The following RYR1 variants were observed in gnomAD, a reference collection of about 807,000 sequenced individuals.
RYR1 encodes ryanodine receptor 1.
RYR1 carries 342 observed loss-of-function variants against 583.5 expected under a neutral mutation model. The ratio of observed to expected loss-of-function variants is 0.59; its 90% confidence interval spans 0.54 to 0.64. RYR1 has a LOEUF of 0.64. Among genes scored for constraint, RYR1 ranks in the 30% least tolerant of loss-of-function variants. The pLI is 0.00. For missense variants in RYR1, 6,032 were observed against 6,917.2 expected, an observed-to-expected ratio of 0.87 and a Z score of 4.54; for synonymous variants, 2,791 against 2,822.5, an observed-to-expected ratio of 0.99 and a Z score of 0.35.
chr19:38,527,409 C>T (rs185775691), intron 72 of RYR1: 286 of 574,022 alleles, frequency 5.0e-4, no homozygotes, highest in African/African-American at 4.9e-3. Context: ...ACTCAGGAGG[C>T]TGAAGCAGGA....
At chr19:38,507,269 C>T (rs1438189795) in intron 57 of RYR1, among the ~76,000 whole-genome samples, 4 of 132,064 alleles carry the variant, frequency 3.0e-5, no homozygotes, top group African/African-American at 1.2e-4. Flanking sequence ...TGATTGGAGG[C>T]GGGACCAAAG....
In RYR1 at chr19:38,512,174, G is replaced by GC. The variant is rs1018934335; in HGVS notation, c.9233+47dup. The GC allele has an allele frequency of 6.2e-6, 10 of 1,613,540 alleles. No individual in the cohort carries two copies. Among genetic ancestry groups the GC allele is most frequent in the Non-Finnish European group, 8.5e-6 (10 of 1,179,672 alleles). On this transcript the variant is annotated intron_variant, in intron 62 of 105. Coordinates refer to ENST00000359596, the MANE Select transcript of RYR1 (RefSeq NM_000540.3). This position sits in a 1 kb window ranked among gnomAD's most constrained non-coding sequence, Gnocchi z 5.1. The stretch of plus-strand genomic sequence containing the variant: ...TGGCGCCCACTCCCACCATCATCGG[G>GC]CCCCCACCCCAACCCCTGGTCTCCT...
In RYR1 at chr19:38,482,609, C is replaced by T. The variant is rs973295168; in HGVS notation, c.4621-418C>T. ...GCAACTACAGATATGGACCGCCATG[C>T]CTCGCTAATTTTTTATGTTTTGTAG... On this transcript the variant is annotated intron_variant, in intron 31 of 105. Coordinates refer to ENST00000359596, the MANE Select transcript of RYR1 (RefSeq NM_000540.3). Among the ~76,000 whole-genome samples, 6 of 152,164 alleles carry T rather than the reference C, an allele frequency of 3.9e-5. No homozygotes were observed. In the East Asian group the frequency reaches 1.2e-3, roughly 29 times the overall value.
chr19:38,504,482 G>T, intron 50 of RYR1, 122 bp downstream of exon 50: 1 of 1,270,416 alleles, frequency 7.9e-7, no homozygotes. Flanking sequence ...TGCAAGTTTG[G>T]ATCTAGGAGG....
chr19:38,506,696 A>G, intron 56 of RYR1, 133 bp from the exon 57 acceptor site: 1 of 1,504,368 alleles, frequency 6.6e-7, no homozygotes, highest in African/African-American at 1.4e-5. Flanking sequence ...GATGAGCACC[A>G]GCAAGCAATG....
intron 66 of RYR1, among the ~76,000 whole-genome samples, chr19:38,518,469 G>C (rs1000949278): frequency 7.3e-5 from 11 of 149,938 alleles, no homozygotes; most frequent in African/African-American, 2.7e-4. Context: ...GGTCAACCTA[G>C]AAATCAGGAG....
chr19:38,532,598 T>G, intron 77 of RYR1, 57 bp downstream of exon 77: 1 of 1,613,772 alleles, frequency 6.2e-7, no homozygotes, highest in Non-Finnish European at 8.5e-7. Flanking sequence ...CTGCAGTGCT[T>G]GTCCACAAAA....
Position 38,467,612 on chromosome 19 carries a change from C to A in RYR1, c.3181C>A (p.Gln1061Lys), listed in dbSNP as rs1600714723. The A allele has an allele frequency of 6.2e-7, 1 of 1,614,168 alleles. No individual in the cohort carries two copies. Among genetic ancestry groups the A allele is most frequent in the East Asian group, 2.2e-5 (1 of 44,880 alleles). ...NIEPPDQEPS[Q>K]VENQSRCDRV... ...ACTCTGCCTGGCCTCATTTATAGGT[C>A]AGGTGGAGAACCAGTCTCGTTGTGA... is the stretch of plus-strand genomic sequence containing the variant. Residue 1061 changes from glutamine (Q) to lysine (K), a missense_variant and splice_region_variant, in exon 25 of 106, where the codon CAG (glutamine) becomes AAG (lysine). Coordinates refer to ENST00000359596, the MANE Select transcript of RYR1 (RefSeq NM_000540.3).
In RYR1 at chr19:38,585,927, T is replaced by C. The variant is rs1568613034; in HGVS notation, c.14804-11T>C. On this transcript the variant is annotated splice_polypyrimidine_tract_variant and intron_variant, in intron 102 of 105. Transcript: ENST00000359596. ...AGAGGTCGGGCACTGACTTGTGTCC[T>C]GCCACCCCAGGTCTGATCATCGACG... 2 of 1,614,062 alleles carry C rather than the reference T, an allele frequency of 1.2e-6. No individual in the cohort carries two copies. The highest frequency in any genetic ancestry group is 1.7e-6 in the Non-Finnish European group (2 of 1,180,010).
Position 38,483,225 on chromosome 19 carries a change from G to T in RYR1, c.4708-65G>T. ...AGGGGGCAATCCAAGAGGTCTCCCT[G>T]GAAGTGGTGTGGTGGGACAGAGGGG... On this transcript the variant is annotated intron_variant, in intron 32 of 105. Transcript: ENST00000359596. This position sits in a 1 kb window ranked among gnomAD's most constrained non-coding sequence, Gnocchi z 6.3. The T allele has an allele frequency of 6.3e-7, 1 of 1,583,782 alleles. No individual in the cohort carries two copies. The highest frequency in any genetic ancestry group is 1.1e-5 in the South Asian group (1 of 88,880).
rs748146777 is a variant in RYR1 at position 38,543,920 on chromosome 19, C to T, written c.12012+45C>T. 3.2e-6 allele frequency: 5 copies of T among 1,563,934 alleles called. No individual in the cohort carries two copies. In the Admixed American group the frequency reaches 5.3e-5, roughly 17 times the overall value. ...CCATCCACCTGCTTCCGGGCGTCCC[C>T]CAAGTGGTCCATTTCCAAGTCTTGC... On this transcript the variant is annotated intron_variant, in intron 87 of 105. Transcript: ENST00000359596. This position sits in a 1 kb window ranked among gnomAD's most constrained non-coding sequence, Gnocchi z 4.4.
chr19:38,516,645 G>A (rs1970984378), intron 65 of RYR1, among the ~76,000 whole-genome samples: 1 of 152,098 alleles, frequency 6.6e-6, no homozygotes, highest in Admixed American at 6.6e-5. Flanking sequence ...TGACATTTGA[G>A]GGCATCATCA....
At chr19:38,492,666 A>G in intron 38 of RYR1, 30 bp downstream of exon 38, 62 of 745,454 alleles carry the variant, frequency 8.3e-5, no homozygotes, top group Non-Finnish European at 1.0e-4. Context: ...GGGAGAGGGC[A>G]GGGGTGGGGT....
At chr19:38,476,732 G>A (rs1460659181) in intron 29 of RYR1, among the ~76,000 whole-genome samples, 1 of 152,200 alleles carries the variant, frequency 6.6e-6, no homozygotes, top group African/African-American at 2.4e-5. Flanking sequence ...TAGATCATGG[G>A]CCGACTGGGT....
Position 38,484,176 on chromosome 19 carries a change from C to T in RYR1, c.4934+660C>T, listed in dbSNP as rs1239281179. 2.6e-5 allele frequency among the ~76,000 whole-genome samples: 4 copies of T among 152,194 alleles called. No homozygotes were observed. The East Asian group carries it at 7.7e-4, about 29-fold the overall frequency. Reference sequence around the variant, plus strand: ...TTGTGGTGGTGTGCACCCATCGTCCCAGCTACTCGGGAGGCTGAGGCATGA... The same window carrying T: ...TTGTGGTGGTGTGCACCCATCGTCCTAGCTACTCGGGAGGCTGAGGCATGA... On this transcript the variant is annotated intron_variant, in intron 33 of 105. Coordinates refer to ENST00000359596, the MANE Select transcript of RYR1 (RefSeq NM_000540.3).
rs770922994 is a variant in RYR1, at chr19:38,499,862, TCCCTGGC to T, written c.7215-38_7215-32del. 3 of 1,239,012 alleles carry T rather than the reference TCCCTGGC, an allele frequency of 2.4e-6. No homozygotes were observed. In the East Asian group the frequency reaches 8.0e-5, roughly 33 times the overall value. The allele number at this position is 1,239,012 out of a possible 1,614,324, so 76.8% of individuals were successfully genotyped here. A position where few individuals can be genotyped will look rare whatever the true frequency, so the allele number is the denominator to read the frequency against. On this transcript the variant is annotated intron_variant, in intron 44 of 105. Transcript: ENST00000359596. This position sits in a 1 kb window ranked among gnomAD's most constrained non-coding sequence, Gnocchi z 7.3. ...CCCTCCTCAATAGGGCAACCCGCCC[TCCCTGGC>T]CCCTGGCTGCCTCCCCAACCCACCC...
intron 63 of RYR1, 104 bp from the exon 64 acceptor site, chr19:38,514,922 C>A: frequency 1.3e-6 from 1 of 761,272 alleles, no homozygotes; most frequent in Non-Finnish European, 2.3e-6. Context: ...TGTACATCTG[C>A]TTGCTCTTCC....
At position 38,528,429 on chromosome 19, in the gene RYR1, CAGGGACA is replaced by C. The variant is rs762753627; in HGVS notation, c.10937+17_10937+23del. 6.2e-7 allele frequency: 1 copy of C among 1,613,442 alleles called. No individual in the cohort carries two copies. Among genetic ancestry groups the C allele is most frequent in the East Asian group, 2.2e-5 (1 of 44,856 alleles). On this transcript the variant is annotated intron_variant, in intron 74 of 105. Coordinates refer to ENST00000359596, the MANE Select transcript of RYR1 (RefSeq NM_000540.3). The stretch of plus-strand genomic sequence containing the variant: ...GTACAACCTGCCCACGTAAGGCCCC[CAGGGACA>C]AGGGAAGCGTGAAGGGCTGCGGAGA...
intron 3 of RYR1, among the ~76,000 whole-genome samples, chr19:38,443,240 C>T (rs1217787296): frequency 1.3e-5 from 2 of 152,112 alleles, no homozygotes; most frequent in African/African-American, 4.8e-5. Context: ...TCCTCAGGGT[C>T]CCCAGGAAAC....
Sources: allele counts gnomAD v4.1 joint callset (sites outside exome capture counted in the v4.1 genomes callset), GRCh38; gene constraint gnomAD v4.1.1; non-coding constraint Gnocchi (gnomAD v3.1); transcripts MANE v1.5; gene names NCBI Gene and HGNC (gene_info 2026-07-23, HGNC 2026-07-21).